CTH: variants seen among roughly 807,000 people sequenced by gnomAD.
CTH encodes cystathionase (cystathionine gamma-lyase).
A neutral mutation model predicts 50.6 loss-of-function variants in CTH; 41 were observed. The ratio of observed to expected loss-of-function variants is 0.81; its 90% CI spans 0.63 to 1.05. The LOEUF (loss-of-function observed/expected upper bound fraction) is 1.05, where lower values mean the gene tolerates loss of function less well. Ranked by LOEUF, CTH falls within the 50% of genes least tolerant of loss-of-function variation. CTH has a pLI of 0.00. For synonymous variants in CTH, 156 were observed against 168.9 expected (o/e 0.92, Z 0.59); for missense variants, 470 against 492.6 (o/e 0.95, Z 0.43).
chr1:70,438,279 A>G (rs1482537756), intron 10 of CTH, among the ~76,000 whole-genome samples: 3 of 152,202 alleles, frequency 2.0e-5, no homozygotes. Context: ...TAATTATGAC[A>G]GGCTCTTGGT....
intron 5 of CTH, among the ~76,000 whole-genome samples, chr1:70,426,460 T>C (rs1256668703): frequency 6.6e-6 from 1 of 152,248 alleles, no homozygotes; most frequent in Non-Finnish European, 1.5e-5. Context: ...CCTTCTGTTC[T>C]GGGTCCCTGA....
chr1:70,415,828 T>G (rs1293290094), intron 1 of CTH, 128 bp from the exon 2 acceptor site: 11 of 703,452 alleles, frequency 1.6e-5, no homozygotes, highest in Non-Finnish European at 2.6e-5. Flanking sequence ...GCTTCTGTAT[T>G]AAAGCAAGAC....
intron 5 of CTH, among the ~76,000 whole-genome samples, chr1:70,427,065 C>T (rs1415160931): frequency 6.6e-6 from 1 of 152,132 alleles, no homozygotes; most frequent in Admixed American, 6.6e-5. Flanking sequence ...TACTCAGAAT[C>T]GCATCATCCC....
At chr1:70,412,919 G>A (rs1054466061) in intron 1 of CTH, among the ~76,000 whole-genome samples, 4 of 152,078 alleles carry the variant, frequency 2.6e-5, no homozygotes, top group Non-Finnish European at 4.4e-5. Flanking sequence ...TATAGAAAAG[G>A]AACTGACACA....
chr1:70,435,107 A>T lies in CTH; in HGVS notation c.1000-18A>T, dbSNP rs1287463571. The T allele has an allele frequency of 1.2e-6, 2 of 1,607,386 alleles. No homozygotes were observed. The highest frequency in any genetic ancestry group is 1.1e-5 in the South Asian group (1 of 90,446). ...TTATTTTACTAGAAAATCTAAATTC[A>T]TGTTTTCTTTGCTATAGCTATTTAC... On this transcript the variant is annotated intron_variant, in intron 9 of 11. Transcript: ENST00000370938.
intron 9 of CTH, 63 bp from the exon 10 acceptor site, chr1:70,435,061 TA>T: frequency 2.0e-6 from 3 of 1,492,106 alleles, no homozygotes; most frequent in Non-Finnish European, 1.8e-6. Flanking sequence ...TAAAAACATT[TA>T]TTTTTAGATT....
intron 5 of CTH, among the ~76,000 whole-genome samples, chr1:70,425,409 C>T (rs2101743934): frequency 6.6e-6 from 1 of 152,296 alleles, no homozygotes; most frequent in East Asian, 1.9e-4. Context: ...CCGGTGAGGG[C>T]CCACTTTCTG....
At chr1:70,438,986 TC>T (rs1230683631) in intron 11 of CTH, 114 bp from the exon 12 acceptor site, 1 of 1,540,854 alleles carries the variant, frequency 6.5e-7, no homozygotes, top group Non-Finnish European at 9.0e-7. Context: ...TATAGGGAGC[TC>T]AGTCAAAGTG....
At position 70,433,830 on chromosome 1, in the gene CTH, C is replaced by G; in HGVS notation, c.880C>G (p.Leu294Val). 1.2e-6 allele frequency: 2 copies of G among 1,613,786 alleles called. No individual in the cohort carries two copies. Among genetic ancestry groups the G allele is most frequent in the Non-Finnish European group, 1.7e-6 (2 of 1,179,864 alleles). ...CTTATGATACCTTATGATTACAGGG[C>G]TGCCCTCTCATCCACAGCATGAGTT... ...PWVEKVIYPG[L>V]PSHPQHELVK... The change falls in exon 9 of 12, where the codon CTG (leucine) becomes GTG (valine). Residue 294 changes from leucine to valine, a missense_variant and splice_region_variant. By Grantham distance (32) the Leu-to-Val change is conservative (BLOSUM62 1). Coordinates refer to ENST00000370938, the MANE Select transcript of CTH (RefSeq NM_001902.6).
intron 1 of CTH, among the ~76,000 whole-genome samples, chr1:70,412,794 T>C (rs879467404): frequency 1.3e-5 from 2 of 152,174 alleles, no homozygotes; most frequent in Admixed American, 6.5e-5. Context: ...GGCTGTATAG[T>C]ACATAATAAT....
At chr1:70,438,234 C>G (rs945823489) in intron 10 of CTH, among the ~76,000 whole-genome samples, 2 of 152,162 alleles carry the variant, frequency 1.3e-5, no homozygotes, top group African/African-American at 4.8e-5. Context: ...CGATGTGCCT[C>G]AGAAGGTCTA....
chr1:70,419,383 C>T lies in CTH; in HGVS notation c.346+1351C>T, dbSNP rs201849326. Among the ~76,000 whole-genome samples the T allele has an allele frequency of 3.3e-5, 5 of 152,058 alleles. No homozygotes were observed. In the East Asian group the frequency reaches 7.7e-4, roughly 23 times the overall value. Reference sequence around the variant, plus strand: ...CAAATGGTATTTCTAGTTCTAGATCCCTGAGGAATCACCACACTGACTTCT... The same window carrying T: ...CAAATGGTATTTCTAGTTCTAGATCTCTGAGGAATCACCACACTGACTTCT... On this transcript the variant is annotated intron_variant, in intron 3 of 11. Coordinates refer to ENST00000370938, the MANE Select transcript of CTH (RefSeq NM_001902.6).
At position 70,432,175 on chromosome 1, in the gene CTH, G is replaced by C; in HGVS notation, c.817G>C (p.Gly273Arg). Residue 273 changes from glycine (G) to arginine (R), a missense_variant, in exon 8 of 12, where the codon GGA becomes CGA. Physicochemically the swap from Gly to Arg is moderately radical, Grantham distance 125. Transcript: ENST00000370938. ...CCGAATGGAAAAGCATTTCAAAAAC[G>C]GAATGGCAGTTGCCCAGTTCCTGGA... ...HVRMEKHFKN[G>R]MAVAQFLESN... 1 of 1,614,156 alleles carries C rather than the reference G, an allele frequency of 6.2e-7. No individual in the cohort carries two copies. Among genetic ancestry groups the C allele is most frequent in the East Asian group, 2.2e-5 (1 of 44,882 alleles).
chr1:70,431,710 G>A (rs1191525142), intron 7 of CTH, among the ~76,000 whole-genome samples: 1 of 152,048 alleles, frequency 6.6e-6, no homozygotes, highest in Non-Finnish European at 1.5e-5. Context: ...GTAATAATAG[G>A]ACTTGAACTG....
At chr1:70,429,648 A>C in intron 5 of CTH, 146 bp from the exon 6 acceptor site, 1 of 644,408 alleles carries the variant, frequency 1.6e-6, no homozygotes, top group South Asian at 1.9e-5. Context: ...ATAATATCAG[A>C]GATCCTGGAA....
Position 70,423,290 on chromosome 1 carries a change from A to G in CTH, c.457-995A>G, listed in dbSNP as rs183093608. 8.5e-5 allele frequency among the ~76,000 whole-genome samples: 13 copies of G among 152,114 alleles called. No individual in the cohort carries two copies. The East Asian group carries it at 2.1e-3, about 25-fold the overall frequency. ...AATAACAGGTAATAAAAAAAGAATC[A>G]GCTGGGCACAGTGGCTCATGCCTGT... On this transcript the variant is annotated intron_variant, in intron 4 of 11. Coordinates refer to ENST00000370938, the MANE Select transcript of CTH (RefSeq NM_001902.6).
chr1:70,421,828 G>A (rs943985089), intron 4 of CTH, among the ~76,000 whole-genome samples, 153 bp downstream of exon 4: 2 of 152,118 alleles, frequency 1.3e-5, no homozygotes, highest in African/African-American at 2.4e-5. Flanking sequence ...TGTCATCTCC[G>A]GGGTGTTATA....
At chr1:70,423,337 T>C (rs1250658167) in intron 4 of CTH, among the ~76,000 whole-genome samples, 1 of 151,384 alleles carries the variant, frequency 6.6e-6, no homozygotes, top group Admixed American at 6.6e-5. Flanking sequence ...TTTGGGAGGC[T>C]GAGGCAGGAG....
chr1:70,439,016 G>A, intron 11 of CTH, 85 bp from the exon 12 acceptor site: 3 of 1,523,820 alleles, frequency 2.0e-6, no homozygotes, highest in Non-Finnish European at 2.7e-6. Context: ...AAGGATGGTA[G>A]TATTCAGAAA....
Sources: allele counts gnomAD v4.1 joint callset (sites outside exome capture counted in the v4.1 genomes callset), GRCh38; gene constraint gnomAD v4.1.1; transcripts MANE v1.5; gene names NCBI Gene and HGNC (gene_info 2026-07-23, HGNC 2026-07-21).